HUNK: variants seen among roughly 807,000 people sequenced by gnomAD.
HUNK encodes the protein hormonally up-regulated Neu-associated kinase, also known as hormonally up-regulated neu tumor-associated kinase.
Under a neutral mutation model 61.0 loss-of-function variants are expected in HUNK, and 21 were observed. The observed-to-expected ratio is 0.34, with a 90% confidence interval of 0.24 to 0.50. The LOEUF (loss-of-function observed/expected upper bound fraction) is 0.50, where lower values mean the gene tolerates loss of function less well. Among genes scored for constraint, HUNK ranks in the 20% least tolerant of loss-of-function variants. The probability of loss-of-function intolerance (pLI) is 0.98; values close to 1 mark genes in which losing one functional copy is unlikely to be tolerated. For synonymous variants in HUNK, 371 were observed against 386.1 expected, an observed-to-expected ratio of 0.96 and a Z score of 0.46; for missense variants, 772 against 945.7, an observed-to-expected ratio of 0.82 and a Z score of 2.41.
intron 1 of HUNK, among the ~76,000 whole-genome samples, chr21:31,920,323 C>T (rs1441510231): frequency 6.6e-6 from 1 of 152,152 alleles, no homozygotes; most frequent in Non-Finnish European, 1.5e-5. Context: ...GTCACATGAT[C>T]CAGAGATTAG....
intron 3 of HUNK, among the ~76,000 whole-genome samples, chr21:31,942,507 C>T (rs552235696): frequency 7.9e-5 from 12 of 152,262 alleles, no homozygotes; most frequent in Admixed American, 5.2e-4. Flanking sequence ...AAGGAGCTCA[C>T]GGATTGGTTG....
At chr21:31,935,609 C>CT (rs534033558) in intron 2 of HUNK, among the ~76,000 whole-genome samples, 157 of 152,224 alleles carry the variant, frequency 1.0e-3, no homozygotes, top group Non-Finnish European at 1.8e-3. Context: ...AGCCACTGCT[C>CT]TTTTTACCAT....
rs933345723 is a variant in HUNK, at chr21:31,918,916, C to T, written c.262-5552C>T. On this transcript the variant is annotated intron_variant, in intron 1 of 10. Coordinates refer to ENST00000270112, the MANE Select transcript of HUNK (RefSeq NM_014586.2). ...GCCTGCTTCACGGAAGGCCTTGGTA[C>T]GACGGCCCAAGGCCTGGGCTGGACT... Among the ~76,000 whole-genome samples the T allele has an allele frequency of 5.9e-5, 9 of 152,016 alleles. No individual in the cohort carries two copies. In the East Asian group the frequency reaches 7.8e-4, roughly 13 times the overall value.
chr21:31,907,851 G>A (rs138887443), intron 1 of HUNK, among the ~76,000 whole-genome samples: 1,852 of 152,090 alleles, frequency 0.012, 38 homozygotes, highest in African/African-American at 0.04. Flanking sequence ...TTAGCCAGGC[G>A]TGGTGGTGGG....
intron 7 of HUNK, among the ~76,000 whole-genome samples, chr21:31,977,859 C>G (rs552086810): frequency 6.6e-6 from 1 of 152,218 alleles, no homozygotes; most frequent in East Asian, 1.9e-4. Context: ...CCTGGGAAGT[C>G]GAGGCTAATT....
Position 31,923,052 on chromosome 21 carries a change from G to C in HUNK, c.262-1416G>C, listed in dbSNP as rs568081041. ...ACCAGGCGGGTGGTGTAGGGGAACA[G>C]AGAGGAAGGACAGGTGGCGAGACAG... On this transcript the variant is annotated intron_variant, in intron 1 of 10. Coordinates refer to ENST00000270112, the MANE Select transcript of HUNK (RefSeq NM_014586.2). 2.6e-5 allele frequency among the ~76,000 whole-genome samples: 4 copies of C among 152,320 alleles called. No individual in the cohort carries two copies. In the South Asian group the frequency reaches 8.3e-4, roughly 32 times the overall value.
intron 6 of HUNK, among the ~76,000 whole-genome samples, chr21:31,971,251 T>C (rs2053008562): frequency 6.6e-6 from 1 of 151,896 alleles, no homozygotes. Context: ...TTTGTATTTT[T>C]AGTAGAGATG....
chr21:31,890,076 A>G (rs181937016), intron 1 of HUNK, among the ~76,000 whole-genome samples: 30 of 152,322 alleles, frequency 2.0e-4, no homozygotes, highest in African/African-American at 7.2e-4. Context: ...ATATTCCAGA[A>G]TAGTTGAGAT....
intron 1 of HUNK, among the ~76,000 whole-genome samples, chr21:31,891,871 C>T (rs1230358348): frequency 6.6e-6 from 1 of 152,114 alleles, no homozygotes; most frequent in Admixed American, 6.5e-5. Context: ...TATAAATGAT[C>T]AGTGGGTCCA....
chr21:31,904,697 A>C (rs545008672), intron 1 of HUNK, among the ~76,000 whole-genome samples: 1 of 152,230 alleles, frequency 6.6e-6, no homozygotes, highest in Non-Finnish European at 1.5e-5. Flanking sequence ...GATAAATTTT[A>C]CTGGTGTTAT....
rs915483186 is a variant in HUNK, at chr21:32,000,515, A to T, written c.*1331A>T. The T allele has an allele frequency of 2.0e-5, 8 of 399,100 alleles. No individual in the cohort carries two copies. The highest frequency in any genetic ancestry group is 1.6e-4 in the African/African-American group (8 of 48,642). 24.7% of individuals were successfully genotyped at this position (399,100 alleles called of 1,614,324 possible). On this transcript the variant is annotated 3_prime_UTR_variant, in exon 11 of 11. Transcript: ENST00000270112. ...CAGGGTGCAGTCATTGGTGAGAAGA[A>T]TCAGAAAAAGAAGACCCATCAGCAC...
At chr21:31,954,087 G>A (rs1446101382) in intron 4 of HUNK, among the ~76,000 whole-genome samples, 2 of 152,140 alleles carry the variant, frequency 1.3e-5, no homozygotes, top group African/African-American at 4.8e-5. Flanking sequence ...GTGTCTCAGG[G>A]TCTCCTTCAA....
chr21:31,978,033 G>A (rs2053063027), intron 7 of HUNK, among the ~76,000 whole-genome samples: 1 of 152,196 alleles, frequency 6.6e-6, no homozygotes, highest in Non-Finnish European at 1.5e-5. Flanking sequence ...GTGCCTGGGT[G>A]TGTTGCCAGC....
At chr21:31,921,455 AG>A (rs997734313) in intron 1 of HUNK, among the ~76,000 whole-genome samples, 24 of 140,120 alleles carry the variant, frequency 1.7e-4, no homozygotes, top group African/African-American at 6.1e-4. Context: ...GAGTGGGGGA[AG>A]GGGGTGGCTG....
chr21:31,944,672 A>G (rs930575121), intron 3 of HUNK, among the ~76,000 whole-genome samples: 1 of 152,016 alleles, frequency 6.6e-6, no homozygotes, highest in Admixed American at 6.6e-5. Context: ...TTAAGGGAGA[A>G]ATATGGAATC....
intron 9 of HUNK, among the ~76,000 whole-genome samples, chr21:31,994,600 A>G (rs1175883194): frequency 3.9e-5 from 6 of 152,196 alleles, no homozygotes; most frequent in Non-Finnish European, 8.8e-5. Flanking sequence ...AACACCAAAC[A>G]CAGGCTTTAG....
chr21:31,982,660 C>T (rs2053105710), intron 7 of HUNK, among the ~76,000 whole-genome samples: 2 of 152,120 alleles, frequency 1.3e-5, no homozygotes, highest in African/African-American at 2.4e-5. Context: ...CAGGATTGCA[C>T]CTTCCTCAGC....
At chr21:31,958,285 ACTTTCTTTCTTT>A (rs370819225) in intron 4 of HUNK, among the ~76,000 whole-genome samples, 2 of 149,110 alleles carry the variant, frequency 1.3e-5, no homozygotes, top group African/African-American at 5.0e-5. Flanking sequence ...CTCACCCAAG[ACTTTCTTTCTTT>A]CTTTCTTTCT....
intron 6 of HUNK, among the ~76,000 whole-genome samples, chr21:31,972,241 G>A (rs566355359): frequency 5.9e-5 from 9 of 152,230 alleles, no homozygotes; most frequent in African/African-American, 2.2e-4. Context: ...GACAGAATTA[G>A]ACCAAATTAG....
Sources: gnomAD v4.1 joint callset for allele counts (sites outside exome capture counted in the v4.1 genomes callset) on GRCh38, gnomAD v4.1.1 for gene constraint, MANE v1.5 for transcripts, NCBI Gene and HGNC (gene_info 2026-07-23, HGNC 2026-07-21) for gene names.